Variants in NCOR2 observed in about 807,000 individuals in gnomAD.
NCOR2 encodes the protein nuclear receptor corepressor 2, also known as CTG repeat protein 26.
NCOR2 carries 81 observed loss-of-function variants against 262.9 expected under a neutral mutation model. The observed-to-expected ratio is 0.31, with a 90% CI of 0.26 to 0.37. The LOEUF (loss-of-function observed/expected upper bound fraction) is 0.37. NCOR2 is among the 10% of genes least tolerant of loss of function. The probability of loss-of-function intolerance (pLI) is 1.00; values close to 1 mark genes in which losing one functional copy is unlikely to be tolerated. For synonymous variants in NCOR2, 1,659 were observed against 1,559.3 expected (o/e 1.06, Z -1.51); for missense variants, 3,385 against 3,621.4 (o/e 0.93, Z 1.68).
chr12:124,373,724 TGC>T lies in NCOR2; in HGVS notation c.2218+687_2218+688del, dbSNP rs1183784905. Among the ~76,000 whole-genome samples, 147 of 64,586 alleles carry T rather than the reference TGC, an allele frequency of 2.3e-3. 22 individuals are homozygous for T. The highest frequency in any genetic ancestry group is 6.9e-3 in the African/African-American group (131 of 18,958). The allele number at this position is 64,586 out of a possible 152,430, so 42.4% of individuals were successfully genotyped here. ...AGTGGACAATCATGAGGCCAGTGCG[TGC>T]GCAGGGGCCCCGGGCACAGTGGACA... On this transcript the variant is annotated intron_variant, in intron 19 of 46. Coordinates refer to ENST00000405201, the Ensembl canonical transcript of NCOR2.
At chr12:124,502,177 G>A (rs1022819686) in intron 1 of NCOR2, among the ~76,000 whole-genome samples, 1 of 152,198 alleles carries the variant, frequency 6.6e-6, no homozygotes, top group Non-Finnish European at 1.5e-5. Context: ...GGTGCACCTC[G>A]CCCAGCCCAG....
At chr12:124,388,206 G>A (rs1000969074) in intron 16 of NCOR2, among the ~76,000 whole-genome samples, 18 of 152,162 alleles carry the variant, frequency 1.2e-4, no homozygotes, top group Non-Finnish European at 2.1e-4. Flanking sequence ...TCTGCTCTCC[G>A]GCCTCAGTTT....
intron 1 of NCOR2, among the ~76,000 whole-genome samples, chr12:124,532,213 C>T (rs2050834463): frequency 1.3e-5 from 2 of 151,942 alleles, no homozygotes; most frequent in South Asian, 4.1e-4. Flanking sequence ...CCCCCCTTGT[C>T]TCCCCCATGC....
At chr12:124,384,120 A>G (rs942029619) in intron 17 of NCOR2, among the ~76,000 whole-genome samples, 1 of 152,196 alleles carries the variant, frequency 6.6e-6, no homozygotes, top group Non-Finnish European at 1.5e-5. Flanking sequence ...GGAGATGCTC[A>G]GGGCCAAAGC....
In NCOR2 at chr12:124,523,960, T is replaced by G. The variant is rs1237252428; in HGVS notation, c.-118+11605A>C. Among the ~76,000 whole-genome samples, 1 of 152,212 alleles carries G rather than the reference T, an allele frequency of 6.6e-6. No individual in the cohort carries two copies. The highest frequency in any genetic ancestry group is 6.5e-5 in the Admixed American group (1 of 15,284). On this transcript the variant is annotated intron_variant, in intron 1 of 46. Coordinates refer to the NCOR2 transcript ENST00000404621. The surrounding 1 kb of genome is among the most constrained non-coding windows in gnomAD (Gnocchi z 4.0). ...GTCAGGCCCCACTGGAGACATGGTA[T>G]TGTTCTCTGAGAAACTGCTGTGGCC...
At chr12:124,365,748 C>A (rs533452564) in intron 20 of NCOR2, among the ~76,000 whole-genome samples, 1 of 151,586 alleles carries the variant, frequency 6.6e-6, no homozygotes, top group Non-Finnish European at 1.5e-5. Flanking sequence ...CCTGTCCAGA[C>A]CCTGCTTGAT....
rs114258960 is a variant in NCOR2, at chr12:124,486,519, T to C, written c.155A>G (p.His52Arg). 3,276 of 1,605,244 alleles carry C rather than the reference T, an allele frequency of 2.0e-3. 52 individuals are homozygous for C. The African/African-American group carries it at 0.037, about 18-fold the overall frequency. ...CTGGATGATGGAGCCGGGCGACAGG[T>C]GGGAGGCATAGTCGCGGGAGTGGTG... The change falls in exon 2 of 47, where the codon CAC (histidine) becomes CGC (arginine). Residue 52 changes from histidine to arginine, a missense_variant. Transcript: ENST00000405201.
rs2047545140 is a variant in NCOR2 at position 124,482,444 on chromosome 12, A to G, written c.411+1152T>C. On this transcript the variant is annotated intron_variant, in intron 3 of 46. Coordinates refer to ENST00000405201, the Ensembl canonical transcript of NCOR2. The surrounding 1 kb of genome is among the most constrained non-coding windows in gnomAD (Gnocchi z 6.3). ...ATCCTCTCTCCCCGAGAGAAGGCCG[A>G]GTCTGGCCCAGGTGGCCTGGCCCCG... is the stretch of plus-strand genomic sequence containing the variant. Among the ~76,000 whole-genome samples, 1 of 152,130 alleles carries G rather than the reference A, an allele frequency of 6.6e-6. No homozygotes were observed. Among genetic ancestry groups the G allele is most frequent in the South Asian group, 2.1e-4 (1 of 4,826 alleles).
chr12:124,359,543 T>C (rs892968104), intron 22 of NCOR2, among the ~76,000 whole-genome samples: 6 of 152,090 alleles, frequency 3.9e-5, no homozygotes, highest in African/African-American at 1.4e-4. Flanking sequence ...TCTTAACCAG[T>C]CCCCAGTGGA....
chr12:124,447,357 G>A (rs2045244636), intron 7 of NCOR2, among the ~76,000 whole-genome samples: 1 of 152,224 alleles, frequency 6.6e-6, no homozygotes, highest in African/African-American at 2.4e-5. Context: ...GTCAAATACA[G>A]CACTGGCTTT....
intron 38 of NCOR2, 155 bp from the exon 41 acceptor site, chr12:124,335,787 G>A: frequency 1.2e-6 from 1 of 812,796 alleles, no homozygotes; most frequent in African/African-American, 1.7e-5. Flanking sequence ...GTAAGGCAGA[G>A]AGGGGTGTTG....
At chr12:124,333,314 G>A (rs751814218) in intron 41 of NCOR2, 35 bp from the exon 44 acceptor site, 44 of 1,532,974 alleles carry the variant, frequency 2.9e-5, no homozygotes, top group Non-Finnish European at 3.5e-5. Context: ...GTGGTCAGAG[G>A]TCTCCCTACT....
intron 5 of NCOR2, among the ~76,000 whole-genome samples, chr12:124,458,128 A>C (rs2045976753): frequency 6.6e-6 from 1 of 152,242 alleles, no homozygotes; most frequent in Non-Finnish European, 1.5e-5. Flanking sequence ...GTATTTGGCA[A>C]GGACTAGGCG....
chr12:124,538,301 A>G (rs1253878076), upstream of NCOR2: 2 of 152,440 alleles, frequency 1.3e-5, no homozygotes, highest in Non-Finnish European at 2.9e-5. Context: ...AGTGACACAT[A>G]GGTCCAAAGA....
rs188673506 is a variant in NCOR2, at chr12:124,517,361, C to G, written c.-118+18204G>C. Among the ~76,000 whole-genome samples, 3 of 152,328 alleles carry G rather than the reference C, an allele frequency of 2.0e-5. No homozygotes were observed. The highest frequency in any genetic ancestry group is 1.9e-4 in the East Asian group (1 of 5,184). ...AGGACAAATCACTCCCTCATCCCCC[C>G]GGTTTGCAACTAAAGGCTCCTTGTG... On this transcript the variant is annotated intron_variant, in intron 1 of 46. Coordinates refer to the NCOR2 transcript ENST00000404621. This position sits in a 1 kb window ranked among gnomAD's most constrained non-coding sequence, Gnocchi z 7.6.
exon 24 of NCOR2, chr12:124,355,558 G>A (rs763289543): frequency 8.9e-6 from 14 of 1,577,496 alleles, no homozygotes; most frequent in Admixed American, 7.1e-5. Context: ...GGAGGCCCAG[G>A]GGCAGTGGGT....
chr12:124,524,938 G>A (rs547004519), intron 1 of NCOR2, among the ~76,000 whole-genome samples: 7 of 152,196 alleles, frequency 4.6e-5, no homozygotes, highest in African/African-American at 1.7e-4. Flanking sequence ...TCCCAGTGAC[G>A]TACATGAGTC....
chr12:124,345,806 CG>C (rs2036874849), intron 31 of NCOR2, among the ~76,000 whole-genome samples: 1 of 152,194 alleles, frequency 6.6e-6, no homozygotes, highest in Non-Finnish European at 1.5e-5. Flanking sequence ...GAACCCCTCC[CG>C]GGACACCCAC....
chr12:124,339,999 G>T lies in NCOR2; in HGVS notation c.5687+7C>A. 1 of 1,597,898 alleles carries T rather than the reference G, an allele frequency of 6.3e-7. No individual in the cohort carries two copies. Among genetic ancestry groups the T allele is most frequent in the Non-Finnish European group, 8.5e-7 (1 of 1,172,914 alleles). On this transcript the variant is annotated splice_region_variant and intron_variant, in intron 37 of 46. Transcript: ENST00000405201. ...CCCGCCCCCTCCCCCATGCCAACCT[G>T]GCCCACCTCAGGACCGTGGGCGTGC...
Sources: allele counts gnomAD v4.1 joint callset (sites outside exome capture counted in the v4.1 genomes callset), GRCh38; gene constraint gnomAD v4.1.1; non-coding constraint Gnocchi (gnomAD v3.1); transcripts MANE v1.5; gene names NCBI Gene and HGNC (gene_info 2026-07-23, HGNC 2026-07-21).